FHIT: variants seen among roughly 807,000 people sequenced by gnomAD.
The protein encoded by FHIT is bis(5'-adenosyl)-triphosphatase.
In FHIT, 19 loss-of-function variants were observed where a neutral mutation model predicts 17.9. The observed-to-expected ratio is 1.06, with a 90% CI of 0.74 to 1.56. The LOEUF is 1.56. Ranked by LOEUF, FHIT falls within the 40% of genes most tolerant of loss-of-function variation. FHIT has a pLI of 0.00. For synonymous variants in FHIT, 81 were observed against 69.7 expected (o/e 1.16, Z -0.81); for missense variants, 248 against 189.2 (o/e 1.31, Z -1.82).
At chr3:60,177,993 C>T (rs563231025) in intron 5 of FHIT, among the ~76,000 whole-genome samples, 49 of 152,286 alleles carry the variant, frequency 3.2e-4, no homozygotes, top group Non-Finnish European at 6.2e-4. Context: ...TGCTGAGAGT[C>T]CTAGCTACGG....
chr3:60,972,327 T>A (rs1488452326), intron 3 of FHIT, among the ~76,000 whole-genome samples: 3 of 152,182 alleles, frequency 2.0e-5, no homozygotes, highest in African/African-American at 2.4e-5. Context: ...TTTTGAAGGA[T>A]GTGTTCGGTA....
At chr3:61,105,229 C>T (rs2035955794) in intron 2 of FHIT, among the ~76,000 whole-genome samples, 1 of 136,188 alleles carries the variant, frequency 7.3e-6, no homozygotes, top group African/African-American at 2.5e-5. Context: ...GGTTGCTGAC[C>T]TTTGGATGCT....
intron 4 of FHIT, among the ~76,000 whole-genome samples, chr3:60,583,282 G>A (rs1214228566): frequency 1.3e-5 from 2 of 151,904 alleles, no homozygotes; most frequent in Non-Finnish European, 2.9e-5. Context: ...CATTCCCATT[G>A]CTATGTCTTC....
intron 4 of FHIT, among the ~76,000 whole-genome samples, chr3:60,712,094 C>G (rs1390801371): frequency 6.6e-6 from 1 of 152,164 alleles, no homozygotes; most frequent in Non-Finnish European, 1.5e-5. Flanking sequence ...ATACTACAAG[C>G]CAGAAGAGAC....
At chr3:60,714,596 C>T (rs1265921704) in intron 4 of FHIT, among the ~76,000 whole-genome samples, 1 of 152,120 alleles carries the variant, frequency 6.6e-6, no homozygotes, top group African/African-American at 2.4e-5. Context: ...TCTCAGGATA[C>T]AAAATCAATG....
intron 2 of FHIT, among the ~76,000 whole-genome samples, chr3:61,104,404 T>C (rs758694097): frequency 2.0e-5 from 3 of 152,222 alleles, no homozygotes; most frequent in Non-Finnish European, 4.4e-5. Context: ...CCCCAGTCTC[T>C]TCTGGCTTGT....
intron 2 of FHIT, among the ~76,000 whole-genome samples, chr3:61,187,941 G>C (rs1436099182): frequency 6.6e-6 from 1 of 152,162 alleles, no homozygotes; most frequent in Non-Finnish European, 1.5e-5. Context: ...AGTGTGGAGA[G>C]GGAAATTTAC....
chr3:60,327,640 T>C (rs1709764358), intron 5 of FHIT, among the ~76,000 whole-genome samples: 1 of 152,166 alleles, frequency 6.6e-6, no homozygotes, highest in African/African-American at 2.4e-5. Flanking sequence ...CTATTTATCA[T>C]TCCAGAACAA....
intron 5 of FHIT, among the ~76,000 whole-genome samples, chr3:60,028,129 G>T (rs957057895): frequency 4.6e-5 from 7 of 151,958 alleles, no homozygotes; most frequent in African/African-American, 1.7e-4. Context: ...GAAAACACAT[G>T]CCCCAAGGTG....
intron 3 of FHIT, among the ~76,000 whole-genome samples, chr3:60,980,792 C>T (rs962891149): frequency 6.6e-6 from 1 of 152,178 alleles, no homozygotes; most frequent in African/African-American, 2.4e-5. Flanking sequence ...GACTTCATGA[C>T]TCCTTTTAAT....
At chr3:59,770,915 A>T (rs1036316739) in intron 8 of FHIT, among the ~76,000 whole-genome samples, 58 of 152,200 alleles carry the variant, frequency 3.8e-4, no homozygotes, top group African/African-American at 1.3e-3. Flanking sequence ...TCAATACAAC[A>T]AATCCCAGAA....
intron 5 of FHIT, among the ~76,000 whole-genome samples, chr3:60,479,767 G>A (rs912842218): frequency 1.3e-5 from 2 of 152,116 alleles, no homozygotes; most frequent in African/African-American, 2.4e-5. Flanking sequence ...CACATGCGAG[G>A]GATCTAGGTT....
At chr3:59,908,850 T>TTTTTTTTTTTTTTGAG (rs1553712872) in intron 8 of FHIT, among the ~76,000 whole-genome samples, 292 of 149,948 alleles carry the variant, frequency 1.9e-3, no homozygotes, top group East Asian at 3.7e-3. Flanking sequence ...TTTCATTTTT[T>TTTTTTTTTTTTTTGAG]AATAGTCCAA....
chr3:60,310,346 C>T (rs899102724), intron 5 of FHIT, among the ~76,000 whole-genome samples: 1 of 152,002 alleles, frequency 6.6e-6, no homozygotes, highest in African/African-American at 2.4e-5. Flanking sequence ...GAAACTGGTG[C>T]TGAAAAGAAT....
chr3:59,921,208 G>A (rs900125651), intron 8 of FHIT, among the ~76,000 whole-genome samples: 3 of 152,146 alleles, frequency 2.0e-5, no homozygotes, highest in African/African-American at 4.8e-5. Flanking sequence ...TTAATTATAC[G>A]TTTCATTATT....
chr3:59,772,656 A>C (rs1702126027), intron 8 of FHIT, among the ~76,000 whole-genome samples: 3 of 152,216 alleles, frequency 2.0e-5, no homozygotes, highest in Non-Finnish European at 4.4e-5. Flanking sequence ...AATGCCACAA[A>C]AAATGTCTAA....
chr3:60,441,857 T>G (rs1281665783), intron 5 of FHIT, among the ~76,000 whole-genome samples: 4 of 134,536 alleles, frequency 3.0e-5, no homozygotes, highest in Admixed American at 2.3e-4. Flanking sequence ...TTAGTTGTGT[T>G]TTTTTTTTTT....
chr3:60,521,005 T>A (rs1403946004), intron 5 of FHIT, among the ~76,000 whole-genome samples: 1 of 152,290 alleles, frequency 6.6e-6, no homozygotes, highest in South Asian at 2.1e-4. Flanking sequence ...GCCTATAAAT[T>A]TTTTGGTTTA....
At chr3:60,751,773 T>A (rs1033448263) in intron 4 of FHIT, among the ~76,000 whole-genome samples, 19 of 152,262 alleles carry the variant, frequency 1.2e-4, no homozygotes, top group Non-Finnish European at 2.2e-4. Context: ...TAGGATTATA[T>A]CCAAAGGAAA....
Sources: gnomAD v4.1 joint callset for allele counts (sites outside exome capture counted in the v4.1 genomes callset) on GRCh38, gnomAD v4.1.1 for gene constraint, MANE v1.5 for transcripts, NCBI Gene and HGNC (gene_info 2026-07-23, HGNC 2026-07-21) for gene names.